COL4A3: variants seen among roughly 807,000 people sequenced by gnomAD.
COL4A3 encodes the protein collagen type IV alpha 3 chain, also known as collagen alpha-3(IV) chain.
In COL4A3, 135 loss-of-function variants were observed where a neutral mutation model predicts 217.4. That is an observed-to-expected ratio of 0.62 (90% CI 0.54 to 0.72). The LOEUF is 0.72. Ranked by LOEUF, COL4A3 falls within the 30% of genes least tolerant of loss-of-function variation. COL4A3 has a pLI of 0.00. For missense variants in COL4A3, 1,868 were observed against 2,119.9 expected, an observed-to-expected ratio of 0.88 and a Z score of 2.33; for synonymous variants, 690 against 736.3, an observed-to-expected ratio of 0.94 and a Z score of 1.02.
At chr2:227,224,085 G>A (rs7559854) in intron 1 of COL4A3, among the ~76,000 whole-genome samples, 2,184 of 152,302 alleles carry the variant, frequency 0.014, 41 homozygotes, top group African/African-American at 0.049. Context: ...CAATCGCTCC[G>A]AACGCAGTCA....
At chr2:227,254,756 T>A (rs778993578) in intron 15 of COL4A3, 41 bp downstream of exon 15, 2 of 1,445,946 alleles carry the variant, frequency 1.4e-6, no homozygotes, top group Non-Finnish European at 1.9e-6. Context: ...TTTTGATTAG[T>A]CAGGACTTGG....
chr2:227,287,880 T>C (rs2072434715), intron 34 of COL4A3, among the ~76,000 whole-genome samples: 1 of 152,220 alleles, frequency 6.6e-6, no homozygotes, highest in South Asian at 2.1e-4. Context: ...AAAGAGAACA[T>C]GATGATTTAT....
intron 44 of COL4A3, among the ~76,000 whole-genome samples, chr2:227,303,477 T>A (rs967042425): frequency 6.6e-6 from 1 of 152,206 alleles, no homozygotes; most frequent in Non-Finnish European, 1.5e-5. Context: ...TAGGTAACTA[T>A]GACAACCAAG....
At chr2:227,220,138 G>GTGTGTGTGTGTGTA (rs760940931) in intron 1 of COL4A3, among the ~76,000 whole-genome samples, 1 of 78,072 alleles carries the variant, frequency 1.3e-5, no homozygotes, top group Non-Finnish European at 3.5e-5. Flanking sequence ...GCGGTTTTAT[G>GTGTGTGTGTGTGTA]TGTGTGTGTG....
In COL4A3 at chr2:227,283,824, C is replaced by T. The variant is rs1490410896; in HGVS notation, c.2714C>T (p.Pro905Leu). The T allele has an allele frequency of 3.1e-6, 5 of 1,614,114 alleles. No individual in the cohort carries two copies. The Admixed American group carries it at 8.3e-5, about 27-fold the overall frequency. Reference protein sequence around the residue: ...GFPGAIGPPGPPGNPGTPGQR... With the variant: ...GFPGAIGPPGLPGNPGTPGQR... ...CCTGGAGCCATTGGCCCTCCAGGGCCCCCTGGGAACCCAGGCACACCAGGG... is the reference window on the plus strand; with the variant it reads ...CCTGGAGCCATTGGCCCTCCAGGGCTCCCTGGGAACCCAGGCACACCAGGG... Residue 905 changes from proline to leucine, a missense_variant, in exon 33 of 52, where the codon CCC becomes CTC. Around this residue, in one of 2 missense-constraint regions of COL4A3, gnomAD observed 1,503 missense variants for 1,786.1 expected, o/e 0.84. Coordinates refer to ENST00000396578, the MANE Select transcript of COL4A3 (RefSeq NM_000091.5).
At chr2:227,201,301 C>T (rs568727438) in intron 1 of COL4A3, among the ~76,000 whole-genome samples, 4 of 152,220 alleles carry the variant, frequency 2.6e-5, no homozygotes, top group Admixed American at 6.5e-5. Flanking sequence ...AAAAAAATTC[C>T]TCTGTTGTTA....
chr2:227,169,909 A>G (rs1319605064), intron 1 of COL4A3, among the ~76,000 whole-genome samples: 1 of 152,168 alleles, frequency 6.6e-6, no homozygotes, highest in Non-Finnish European at 1.5e-5. Flanking sequence ...TTTGATCACT[A>G]TGTTTATATT....
intron 27 of COL4A3, among the ~76,000 whole-genome samples, chr2:227,277,085 C>T (rs1432015399): frequency 2.0e-5 from 3 of 151,932 alleles, no homozygotes; most frequent in Non-Finnish European, 4.4e-5. Context: ...TTTGGGAGGC[C>T]GACGCAGGCG....
chr2:227,185,412 T>C (rs1263550859), intron 1 of COL4A3, among the ~76,000 whole-genome samples: 1 of 152,164 alleles, frequency 6.6e-6, no homozygotes, highest in Non-Finnish European at 1.5e-5. Context: ...AGATAAAATC[T>C]CTATATGGAC....
chr2:227,281,584 G>C (rs1467835537), intron 31 of COL4A3: 1 of 154,846 alleles, frequency 6.5e-6, no homozygotes, highest in Non-Finnish European at 1.4e-5. Context: ...AATGTATTTA[G>C]AAATCAGTTA....
intron 38 of COL4A3, 101 bp from the exon 39 acceptor site, chr2:227,294,389 C>G (rs755505149): frequency 1.2e-6 from 1 of 854,112 alleles, no homozygotes; most frequent in African/African-American, 1.7e-5. Flanking sequence ...TTAAGGCCAG[C>G]GTGAGCATGG....
At chr2:227,236,006 T>C (rs1172644254) in intron 1 of COL4A3, among the ~76,000 whole-genome samples, 1 of 138,310 alleles carries the variant, frequency 7.2e-6, no homozygotes, top group Non-Finnish European at 1.6e-5. Flanking sequence ...ACTCCTGACC[T>C]CAGGTGATCC....
rs1377486011 is a variant in COL4A3 at position 227,269,991 on chromosome 2, A to G, written c.1575+11A>G. The G allele has an allele frequency of 3.7e-6, 6 of 1,610,168 alleles. No homozygotes were observed. The highest frequency in any genetic ancestry group is 2.2e-5 in the South Asian group (2 of 90,840). On this transcript the variant is annotated intron_variant, in intron 24 of 51. Transcript: ENST00000396578. Reference sequence around the variant, plus strand: ...CTTCCAGGATTTCCAGTAAGATTTCATGTTTTTAAATCTTTAGCTTCAATT... The same window carrying G: ...CTTCCAGGATTTCCAGTAAGATTTCGTGTTTTTAAATCTTTAGCTTCAATT...
At chr2:227,281,667 G>A (rs2071972519) in intron 31 of COL4A3, 1 of 152,592 alleles carries the variant, frequency 6.6e-6, no homozygotes, top group Non-Finnish European at 1.5e-5. Flanking sequence ...TGTTACAGTG[G>A]CATTATTATT....
At chr2:227,260,473 TA>T (rs2070485679) in intron 19 of COL4A3, among the ~76,000 whole-genome samples, 1 of 152,190 alleles carries the variant, frequency 6.6e-6, no homozygotes, top group East Asian at 1.9e-4. Flanking sequence ...TAGAAGATTG[TA>T]AAAACTCCCT....
rs2072033489 is a variant in COL4A3, at chr2:227,282,313, GT to G, written c.2489-51del. ...ATATATATATATATTTCTGAAGTTA[GT>G]AGGGGAAAGCATTTGTGGGTTAATT... On this transcript the variant is annotated intron_variant, in intron 31 of 51. Coordinates refer to ENST00000396578, the MANE Select transcript of COL4A3 (RefSeq NM_000091.5). The surrounding 1 kb of genome is among the most constrained non-coding windows in gnomAD (Gnocchi z 4.4). 8.3e-7 allele frequency: 1 copy of G among 1,202,468 alleles called. No individual in the cohort carries two copies. Among genetic ancestry groups the G allele is most frequent in the Admixed American group, 1.7e-5 (1 of 57,512 alleles). The allele number at this position is 1,202,468 out of a possible 1,614,324, so 74.5% of individuals were successfully genotyped here. A position where few individuals can be genotyped will look rare whatever the true frequency, so the allele number is the denominator to read the frequency against.
At chr2:227,283,918 G>C in intron 33 of COL4A3, 62 bp downstream of exon 33, 1 of 1,434,272 alleles carries the variant, frequency 7.0e-7, no homozygotes, top group South Asian at 1.2e-5. Context: ...TTATTTTGCA[G>C]CAAAAAAAGT....
Position 227,252,571 on chromosome 2 carries a change from T to C in COL4A3, c.646-725T>C, listed in dbSNP as rs184631008. On this transcript the variant is annotated intron_variant, in intron 11 of 51. Transcript: ENST00000396578. ...AGATACTTTCATATTTATTATCTCA[T>C]TGATACACACAAATGCACACACACA... 6.2e-5 allele frequency among the ~76,000 whole-genome samples: 8 copies of C among 128,560 alleles called. No individual in the cohort carries two copies. In the East Asian group the frequency reaches 1.9e-3, roughly 30 times the overall value. The allele number at this position is 128,560 out of a possible 152,430, so 84.3% of individuals were successfully genotyped here.
chr2:227,222,857 G>A (rs2141830), intron 1 of COL4A3, among the ~76,000 whole-genome samples: 148,911 of 152,282 alleles, frequency 0.98, 72,819 homozygotes, highest in East Asian at 1. Context: ...CCTCTCTGCT[G>A]GGGATATAGG....
Sources: allele counts gnomAD v4.1 joint callset (sites outside exome capture counted in the v4.1 genomes callset), GRCh38; gene constraint gnomAD v4.1.1; regional missense constraint gnomAD v4.1.1; non-coding constraint Gnocchi (gnomAD v3.1); transcripts MANE v1.5; gene names NCBI Gene and HGNC (gene_info 2026-07-23, HGNC 2026-07-21).